The following SH3GL2 variants were observed in gnomAD, a reference collection of about 807,000 sequenced individuals.
SH3GL2 encodes the protein SH3 domain containing GRB2 like 2, endophilin A1, also known as endophilin-A1.
In SH3GL2, 24 loss-of-function variants were observed where a neutral mutation model predicts 46.0. The observed-to-expected ratio is 0.52, with a 90% CI of 0.38 to 0.73. SH3GL2 has a LOEUF of 0.73. SH3GL2 is among the 30% of genes least tolerant of loss of function. SH3GL2 has a pLI of 0.00. For missense variants in SH3GL2, 413 were observed against 424.2 expected (o/e 0.97, Z 0.23); for synonymous variants, 196 against 147.1 (o/e 1.33, Z -2.40).
chr9:17,737,443 A>G (rs1200191292), intron 1 of SH3GL2, among the ~76,000 whole-genome samples: 1 of 152,134 alleles, frequency 6.6e-6, no homozygotes, highest in Non-Finnish European at 1.5e-5. Context: ...TCTGATTCCT[A>G]GTGTCCTTTG....
At chr9:17,752,847 G>A (rs573135107) in intron 2 of SH3GL2, among the ~76,000 whole-genome samples, 1 of 151,826 alleles carries the variant, frequency 6.6e-6, no homozygotes, top group African/African-American at 2.4e-5. Flanking sequence ...TTTCCCGATT[G>A]TCTCCCTCCT....
At chr9:17,696,990 C>G (rs566770173) in intron 1 of SH3GL2, among the ~76,000 whole-genome samples, 1 of 152,104 alleles carries the variant, frequency 6.6e-6, no homozygotes, top group Non-Finnish European at 1.5e-5. Flanking sequence ...ATAAAGGATG[C>G]CCTTCTGGGA....
At chr9:17,615,902 T>C (rs1281182095) in intron 1 of SH3GL2, among the ~76,000 whole-genome samples, 1 of 152,188 alleles carries the variant, frequency 6.6e-6, no homozygotes, top group Non-Finnish European at 1.5e-5. Context: ...ATGTTTTTGC[T>C]CCATTTTACT....
chr9:17,636,685 T>G (rs888810543), intron 1 of SH3GL2, among the ~76,000 whole-genome samples: 1 of 152,196 alleles, frequency 6.6e-6, no homozygotes, highest in Non-Finnish European at 1.5e-5. Flanking sequence ...TCAACTGGAA[T>G]TTTTATATTA....
chr9:17,789,852 C>A, intron 6 of SH3GL2: 1 of 722,878 alleles, frequency 1.4e-6, no homozygotes, highest in Non-Finnish European at 1.7e-6. Flanking sequence ...TCGAATAACG[C>A]ATTAAAAGTA....
intron 1 of SH3GL2, among the ~76,000 whole-genome samples, chr9:17,594,883 G>C (rs879656685): frequency 1.3e-5 from 2 of 151,994 alleles, no homozygotes; most frequent in African/African-American, 2.4e-5. Flanking sequence ...ATTTAAAAGG[G>C]GGTCCTATGC....
rs1421480602 is a variant in SH3GL2, at chr9:17,787,313, G to A, written c.332-67G>A. The A allele has an allele frequency of 3.8e-6, 5 of 1,327,606 alleles. No individual in the cohort carries two copies. The South Asian group carries it at 3.8e-5, about 10-fold the overall frequency. The allele number at this position is 1,327,606 out of a possible 1,614,324, so 82.2% of individuals were successfully genotyped here. ...AATCCTTTGGGTTTTCATCTGTGAAGGGCCCTGTTATTGCGAGTGCATTTC... is the reference window on the plus strand; with the variant it reads ...AATCCTTTGGGTTTTCATCTGTGAAAGGCCCTGTTATTGCGAGTGCATTTC... On this transcript the variant is annotated intron_variant, in intron 4 of 8. Coordinates refer to ENST00000380607, the MANE Select transcript of SH3GL2 (RefSeq NM_003026.5).
At chr9:17,649,060 T>C (rs1819893236) in intron 1 of SH3GL2, among the ~76,000 whole-genome samples, 1 of 152,188 alleles carries the variant, frequency 6.6e-6, no homozygotes, top group Non-Finnish European at 1.5e-5. Flanking sequence ...TTTTCCTTTT[T>C]CTCTTAACTC....
At chr9:17,779,728 A>G (rs1823745015) in intron 3 of SH3GL2, among the ~76,000 whole-genome samples, 1 of 152,176 alleles carries the variant, frequency 6.6e-6, no homozygotes, top group Non-Finnish European at 1.5e-5. Context: ...CTAATGGCCT[A>G]GCCTTCAAGA....
intron 1 of SH3GL2, among the ~76,000 whole-genome samples, chr9:17,588,834 C>A (rs1394049191): frequency 6.6e-6 from 1 of 152,120 alleles, no homozygotes; most frequent in Admixed American, 6.5e-5. Context: ...TATACAACAG[C>A]TGAAAATGAA....
chr9:17,765,952 T>C (rs2891113), intron 3 of SH3GL2, among the ~76,000 whole-genome samples: 7,975 of 152,286 alleles, frequency 0.052, 618 homozygotes, highest in African/African-American at 0.17. Context: ...ACTTCTCTAA[T>C]ACAAAAAGTA....
intron 1 of SH3GL2, among the ~76,000 whole-genome samples, chr9:17,644,544 A>G (rs1006344782): frequency 5.3e-5 from 8 of 152,094 alleles, no homozygotes; most frequent in Non-Finnish European, 1.2e-4. Context: ...ATTGGTTTCA[A>G]ATAACTTATT....
chr9:17,676,991 G>T (rs182566792), intron 1 of SH3GL2, among the ~76,000 whole-genome samples: 236 of 152,198 alleles, frequency 1.6e-3, no homozygotes, highest in African/African-American at 5.5e-3. Flanking sequence ...ACTAAGAGAA[G>T]ACACTGCAGA....
At chr9:17,730,953 G>C (rs762260610) in intron 1 of SH3GL2, among the ~76,000 whole-genome samples, 2 of 152,224 alleles carry the variant, frequency 1.3e-5, no homozygotes, top group Non-Finnish European at 2.9e-5. Flanking sequence ...GGCTTACTTA[G>C]AGAACGGGAT....
chr9:17,606,069 G>C (rs1818755303), intron 1 of SH3GL2, among the ~76,000 whole-genome samples: 1 of 142,298 alleles, frequency 7.0e-6, no homozygotes, highest in Non-Finnish European at 1.5e-5. Flanking sequence ...GGCGGGGTCA[G>C]CTTCACTTGC....
chr9:17,623,556 C>T (rs188483486), intron 1 of SH3GL2, among the ~76,000 whole-genome samples: 63 of 152,140 alleles, frequency 4.1e-4, no homozygotes, highest in Admixed American at 7.9e-4. Context: ...AAAATGTAAT[C>T]GGAGAATGAA....
At chr9:17,615,274 A>G (rs886614735) in intron 1 of SH3GL2, among the ~76,000 whole-genome samples, 3 of 152,218 alleles carry the variant, frequency 2.0e-5, no homozygotes, top group African/African-American at 7.2e-5. Flanking sequence ...AGATAAATCC[A>G]TATGATAGCC....
chr9:17,746,026 C>T (rs998889624), intron 1 of SH3GL2, among the ~76,000 whole-genome samples: 4 of 151,826 alleles, frequency 2.6e-5, no homozygotes, highest in East Asian at 3.9e-4. Context: ...TTGTGTGATC[C>T]GTTTGTATTT....
At chr9:17,680,476 TC>T (rs1369178844) in intron 1 of SH3GL2, among the ~76,000 whole-genome samples, 3 of 152,168 alleles carry the variant, frequency 2.0e-5, no homozygotes, top group African/African-American at 7.2e-5. Flanking sequence ...GGTGGTGATA[TC>T]CCCTTTATCA....
Sources: allele counts gnomAD v4.1 joint callset (sites outside exome capture counted in the v4.1 genomes callset), GRCh38; gene constraint gnomAD v4.1.1; transcripts MANE v1.5; gene names NCBI Gene and HGNC (gene_info 2026-07-23, HGNC 2026-07-21).